MEI4: variants seen among roughly 807,000 people sequenced by gnomAD.
The protein encoded by MEI4 is meiotic double-stranded break formation protein 4, also known as meiosis-specific protein MEI4.
Under a neutral mutation model 31.4 loss-of-function variants are expected in MEI4, and 27 were observed. The ratio of observed to expected loss-of-function variants is 0.86; its 90% confidence interval spans 0.63 to 1.19. The LOEUF is 1.19. Among genes scored for constraint, MEI4 ranks in the 50% most tolerant of loss-of-function variants. The probability of loss-of-function intolerance (pLI) is 0.00; values close to 1 mark genes in which losing one functional copy is unlikely to be tolerated. For synonymous variants in MEI4, 122 were observed against 145.4 expected (o/e 0.84, Z 1.16); for missense variants, 329 against 398.9 (o/e 0.82, Z 1.49).
chr6:77,652,526 C>T (rs560023598), upstream of MEI4, among the ~76,000 whole-genome samples: 7 of 151,776 alleles, frequency 4.6e-5, no homozygotes, highest in Admixed American at 6.6e-5. Context: ...ATTCAGGGAA[C>T]GACATTGAAA....
chr6:77,869,932 A>G (rs1160297369), intron 4 of MEI4, among the ~76,000 whole-genome samples: 1 of 152,078 alleles, frequency 6.6e-6, no homozygotes, highest in East Asian at 1.9e-4. Flanking sequence ...AAGTATAGAG[A>G]TGTACTGAGT....
intron 1 of MEI4, among the ~76,000 whole-genome samples, chr6:77,663,007 G>T (rs1768541659): frequency 6.6e-6 from 1 of 152,140 alleles, no homozygotes; most frequent in Admixed American, 6.5e-5. Context: ...TGGGATTAAG[G>T]GTGCAAAGGA....
intron 4 of MEI4, among the ~76,000 whole-genome samples, chr6:77,918,844 G>T (rs1393683937): frequency 2.6e-5 from 4 of 151,932 alleles, no homozygotes; most frequent in Non-Finnish European, 4.4e-5. Context: ...CCTGTCTTGT[G>T]CCAGTTTTCA....
chr6:77,703,927 G>A (rs1416128933), intron 2 of MEI4, among the ~76,000 whole-genome samples: 1 of 152,168 alleles, frequency 6.6e-6, no homozygotes, highest in Admixed American at 6.5e-5. Context: ...GAGTGTGAGG[G>A]CGGGGGTTGG....
intron 4 of MEI4, among the ~76,000 whole-genome samples, chr6:77,879,671 T>A (rs939238251): frequency 3.3e-5 from 5 of 152,212 alleles, no homozygotes; most frequent in African/African-American, 1.2e-4. Context: ...CTGAGAGCAG[T>A]GACCTTTGTG....
At chr6:77,871,878 T>C (rs1771202303) in intron 4 of MEI4, among the ~76,000 whole-genome samples, 1 of 152,052 alleles carries the variant, frequency 6.6e-6, no homozygotes, top group Admixed American at 6.6e-5. Context: ...CTACTGAAAA[T>C]AATTGAATAA....
At chr6:77,894,970 C>T (rs931525270) in intron 4 of MEI4, among the ~76,000 whole-genome samples, 7 of 152,122 alleles carry the variant, frequency 4.6e-5, no homozygotes, top group Admixed American at 3.3e-4. Flanking sequence ...GATATTTAAA[C>T]ATTTGTTTTC....
chr6:77,867,968 C>CA (rs940302296), intron 4 of MEI4, among the ~76,000 whole-genome samples: 1 of 150,578 alleles, frequency 6.6e-6, no homozygotes, highest in Admixed American at 6.7e-5. Flanking sequence ...ATTGCAAGGA[C>CA]AAAAAAACCA....
intron 2 of MEI4, among the ~76,000 whole-genome samples, chr6:77,758,247 G>C (rs1267446615): frequency 6.6e-6 from 1 of 150,400 alleles, no homozygotes. Flanking sequence ...ACTACTTTTT[G>C]AACTTTCTGC....
chr6:77,839,963 A>C (rs1233424939), intron 4 of MEI4, among the ~76,000 whole-genome samples: 1 of 152,184 alleles, frequency 6.6e-6, no homozygotes, highest in East Asian at 1.9e-4. Context: ...TCCCTGAGGT[A>C]ACCCAGATAT....
At chr6:77,898,973 G>A (rs1766136832) in intron 4 of MEI4, among the ~76,000 whole-genome samples, 3 of 152,002 alleles carry the variant, frequency 2.0e-5, no homozygotes, top group Admixed American at 1.3e-4. Context: ...TGCAGGAAAG[G>A]AACAACCATC....
intron 3 of MEI4, among the ~76,000 whole-genome samples, chr6:77,821,317 G>T (rs913593716): frequency 6.6e-6 from 1 of 151,964 alleles, no homozygotes; most frequent in East Asian, 1.9e-4. Flanking sequence ...ACCCATATTT[G>T]TCTGAACTTA....
intron 2 of MEI4, among the ~76,000 whole-genome samples, chr6:77,733,304 A>C (rs929474126): frequency 2.2e-4 from 34 of 152,052 alleles, no homozygotes; most frequent in African/African-American, 7.7e-4. Context: ...ACAATTTCAG[A>C]TCCTGTTATT....
At chr6:77,917,729 C>G (rs1369357831) in intron 4 of MEI4, among the ~76,000 whole-genome samples, 8 of 148,752 alleles carry the variant, frequency 5.4e-5, no homozygotes. Context: ...CCTGTTCACT[C>G]TGATGGTAGT....
intron 4 of MEI4, among the ~76,000 whole-genome samples, chr6:77,831,146 A>G (rs1770068374): frequency 7.1e-6 from 1 of 140,634 alleles, no homozygotes; most frequent in African/African-American, 2.6e-5. Flanking sequence ...CAGGCATATG[A>G]AAAAAAAAAA....
chr6:77,831,709 TG>T (rs1770087261), intron 4 of MEI4, among the ~76,000 whole-genome samples: 1 of 151,720 alleles, frequency 6.6e-6, no homozygotes, highest in Non-Finnish European at 1.5e-5. Flanking sequence ...GCTAAAGACA[TG>T]GATCATATTG....
chr6:77,920,518 A>G (rs1395518568), intron 4 of MEI4, among the ~76,000 whole-genome samples: 1 of 151,880 alleles, frequency 6.6e-6, no homozygotes, highest in Non-Finnish European at 1.5e-5. Context: ...TAATTCTTCC[A>G]AACTCCTGTT....
intron 2 of MEI4, among the ~76,000 whole-genome samples, chr6:77,755,536 A>T (rs1767892785): frequency 6.6e-6 from 1 of 151,822 alleles, no homozygotes; most frequent in South Asian, 2.1e-4. Flanking sequence ...CTCCTGCCTC[A>T]GCCTCCCGAG....
Position 77,839,498 on chromosome 6 carries a change from C to T in MEI4, c.900+10436C>T, listed in dbSNP as rs114120249. Among the ~76,000 whole-genome samples the T allele has an allele frequency of 7.9e-3, 1,203 of 152,236 alleles. 17 individuals carry two copies. Among genetic ancestry groups the T allele is most frequent in the African/African-American group, 0.028 (1,152 of 41,556 alleles). Reference sequence around the variant, plus strand: ...TATAATTTCCAGACTCACCCCTGACCTGTGTGAGACAGACTCCAAACAACA... The same window carrying T: ...TATAATTTCCAGACTCACCCCTGACTTGTGTGAGACAGACTCCAAACAACA... On this transcript the variant is annotated intron_variant, in intron 4 of 4. Coordinates refer to ENST00000684080, the MANE Select transcript of MEI4 (RefSeq NM_001322247.2).
Sources: gnomAD v4.1 joint callset for allele counts (sites outside exome capture counted in the v4.1 genomes callset) on GRCh38, gnomAD v4.1.1 for gene constraint, MANE v1.5 for transcripts, NCBI Gene and HGNC (gene_info 2026-07-23, HGNC 2026-07-21) for gene names.